ANKRD46: variants seen among roughly 807,000 people sequenced by gnomAD.
The protein encoded by ANKRD46 is ankyrin repeat domain-containing protein 46.
In ANKRD46, 13 loss-of-function variants were observed where a neutral mutation model predicts 19.8. That is an observed-to-expected ratio of 0.66 (90% CI 0.43 to 1.04). The LOEUF is 1.04. ANKRD46 is among the 50% of genes least tolerant of loss of function. The pLI, the probability that ANKRD46 is intolerant of heterozygous loss-of-function variation, is 0.00. For synonymous variants in ANKRD46, 91 were observed against 106.9 expected, an observed-to-expected ratio of 0.85 and a Z score of 0.92; for missense variants, 185 against 274.8, an observed-to-expected ratio of 0.67 and a Z score of 2.31.
At chr8:100,512,850 G>A (rs1428471581) in intron 5 of ANKRD46, among the ~76,000 whole-genome samples, 1 of 152,158 alleles carries the variant, frequency 6.6e-6, no homozygotes, top group African/African-American at 2.4e-5. Context: ...TTCATGATTG[G>A]TTAAAACGTA....
chr8:100,555,903 A>G (rs1169456763), intron 1 of ANKRD46, among the ~76,000 whole-genome samples: 1 of 152,184 alleles, frequency 6.6e-6, no homozygotes, highest in Non-Finnish European at 1.5e-5. Context: ...GCTATGGAAA[A>G]GGCACATTTA....
rs964836901 is a variant in ANKRD46 at position 100,524,414 on chromosome 8, A to T, written c.471-1643T>A. On this transcript the variant is annotated intron_variant, in intron 4 of 4. Transcript: ENST00000335659. The surrounding 1 kb of genome is among the most constrained non-coding windows in gnomAD (Gnocchi z 4.3). ...ATTTTACTTCTTGATACCATCAAAC[A>T]AAAGTCCTTCAGCCTTTACCAACAT... 1.3e-5 allele frequency among the ~76,000 whole-genome samples: 2 copies of T among 152,216 alleles called. No individual in the cohort carries two copies. Among genetic ancestry groups the T allele is most frequent in the Non-Finnish European group, 2.9e-5 (2 of 68,036 alleles).
At chr8:100,520,522 C>CT (rs1811703232), downstream of ANKRD46, among the ~76,000 whole-genome samples, 1 of 152,028 alleles carries the variant, frequency 6.6e-6, no homozygotes, top group South Asian at 2.1e-4. Context: ...AACTTGCATG[C>CT]TAAAAACTTG....
chr8:100,537,879 G>A lies in ANKRD46; in HGVS notation c.-130-4568C>T, dbSNP rs539065246. Among the ~76,000 whole-genome samples the A allele has an allele frequency of 2.0e-5, 3 of 152,290 alleles. No individual in the cohort carries two copies. The South Asian group carries it at 6.2e-4, about 32-fold the overall frequency. On this transcript the variant is annotated intron_variant, in intron 1 of 4. Transcript: ENST00000335659. The surrounding 1 kb of genome is among the most constrained non-coding windows in gnomAD (Gnocchi z 4.2). ...GTCTAGGGCCATACTGCTTTAAGTGGCAGGGTGGGGCTTCATATTTAGCTT... is the reference window on the plus strand; with the variant it reads ...GTCTAGGGCCATACTGCTTTAAGTGACAGGGTGGGGCTTCATATTTAGCTT...
rs551925718 is a variant in ANKRD46 at position 100,544,785 on chromosome 8, C to T, written c.-130-11474G>A. Among the ~76,000 whole-genome samples, 1 of 152,054 alleles carries T rather than the reference C, an allele frequency of 6.6e-6. No individual in the cohort carries two copies. Among genetic ancestry groups the T allele is most frequent in the Non-Finnish European group, 1.5e-5 (1 of 68,010 alleles). On this transcript the variant is annotated intron_variant, in intron 1 of 4. Coordinates refer to ENST00000335659, the MANE Select transcript of ANKRD46 (RefSeq NM_001270377.2). This position sits in a 1 kb window ranked among gnomAD's most constrained non-coding sequence, Gnocchi z 4.4. ...TAATGAAATATACAAATATAAGATG[C>T]TATATATTTTTTCTTAGTTTCTTAT... is the stretch of plus-strand genomic sequence containing the variant.
chr8:100,521,816 T>C lies in ANKRD46; in HGVS notation c.*739A>G. 1.0e-6 allele frequency: 1 copy of C among 985,384 alleles called. No individual in the cohort carries two copies. The highest frequency in any genetic ancestry group is 1.2e-6 in the Non-Finnish European group (1 of 829,856). The allele number at this position is 985,384 out of a possible 1,614,324, so 61.0% of individuals were successfully genotyped here. A position where few individuals can be genotyped will look rare whatever the true frequency, so the allele number is the denominator to read the frequency against. On this transcript the variant is annotated 3_prime_UTR_variant, in exon 5 of 5. Coordinates refer to ENST00000335659, the MANE Select transcript of ANKRD46 (RefSeq NM_001270377.2). Reference sequence around the variant, plus strand: ...CTGTAATTCTGATGAACTGTTATCTTTGATGACTAGGATACTCGGGAAAAT... The same window carrying C: ...CTGTAATTCTGATGAACTGTTATCTCTGATGACTAGGATACTCGGGAAAAT...
Position 100,522,291 on chromosome 8 carries a change from T to A in ANKRD46, c.*264A>T, listed in dbSNP as rs1811739475. ...CTTCCATTCTCTAGTCACTTCCGTG[T>A]TTTTATCAAACAAGGCTACGTGTAG... On this transcript the variant is annotated 3_prime_UTR_variant, in exon 5 of 5. Transcript: ENST00000335659. 1 of 1,263,050 alleles carries A rather than the reference T, an allele frequency of 7.9e-7. No homozygotes were observed. The allele number at this position is 1,263,050 out of a possible 1,614,324, so 78.2% of individuals were successfully genotyped here.
rs1812033863 is a variant in ANKRD46 at position 100,534,908 on chromosome 8, A to G, written c.-130-1597T>C. On this transcript the variant is annotated intron_variant, in intron 1 of 4. Coordinates refer to ENST00000335659, the MANE Select transcript of ANKRD46 (RefSeq NM_001270377.2). This position sits in a 1 kb window ranked among gnomAD's most constrained non-coding sequence, Gnocchi z 4.2. ...CAGCCTCCCCAGTAGCTGGGACTACAGCCATGTGCCACCATGCCTGGGTAA... is the reference window on the plus strand; with the variant it reads ...CAGCCTCCCCAGTAGCTGGGACTACGGCCATGTGCCACCATGCCTGGGTAA... Among the ~76,000 whole-genome samples the G allele has an allele frequency of 6.6e-6, 1 of 152,204 alleles. No homozygotes were observed. Among genetic ancestry groups the G allele is most frequent in the Non-Finnish European group, 1.5e-5 (1 of 68,030 alleles).
intron 1 of ANKRD46, chr8:100,556,719 G>A (rs1055328558): frequency 6.6e-6 from 1 of 152,102 alleles, no homozygotes; most frequent in Non-Finnish European, 1.5e-5. Flanking sequence ...AAATCCAATG[G>A]TCATCTCCTA....
At chr8:100,552,086 G>A (rs1369448620) in intron 1 of ANKRD46, among the ~76,000 whole-genome samples, 1 of 150,606 alleles carries the variant, frequency 6.6e-6, no homozygotes, top group African/African-American at 2.5e-5. Context: ...GGAGGTGGAG[G>A]TTGCAGTGAG....
At position 100,527,939 on chromosome 8, in the gene ANKRD46, G is replaced by A. The variant is rs1811874675; in HGVS notation, c.376C>T (p.Arg126Ter). Reference sequence around the variant, plus strand: ...TGTTCTTCCAAAGATTCCAGCAATCGGATGACATCTTTATTTACTCCTCTG... The same window carrying A: ...TGTTCTTCCAAAGATTCCAGCAATCAGATGACATCTTTATTTACTCCTCTG... ...KRRGVNKDVIRLLESLEEQEV... is the reference protein window; with the variant it reads ...KRRGVNKDVI The change falls in exon 4 of 5, where the codon CGA becomes TGA. Residue 126 changes from arginine to a stop codon, truncating the protein, a stop_gained. Transcript: ENST00000335659. LOFTEE classifies it high-confidence loss of function. This position sits in a 1 kb window ranked among gnomAD's most constrained non-coding sequence, Gnocchi z 4.0. The A allele has an allele frequency of 4.3e-6, 7 of 1,612,068 alleles. No individual in the cohort carries two copies. The highest frequency in any genetic ancestry group is 5.9e-6 in the Non-Finnish European group (7 of 1,179,712).
At chr8:100,517,739 T>C (rs1050425287), downstream of ANKRD46, among the ~76,000 whole-genome samples, 2 of 152,210 alleles carry the variant, frequency 1.3e-5, no homozygotes, top group African/African-American at 4.8e-5. Context: ...ATCCCAAAGT[T>C]CTATTTTAGC....
chr8:100,556,446 C>T (rs560232672), intron 1 of ANKRD46: 87 of 152,276 alleles, frequency 5.7e-4, no homozygotes, highest in African/African-American at 2.0e-3. Flanking sequence ...TTCCACCAGT[C>T]ATTGATTAAA....
chr8:100,542,209 A>G (rs1157469726), intron 1 of ANKRD46, among the ~76,000 whole-genome samples: 1 of 152,188 alleles, frequency 6.6e-6, no homozygotes, highest in Non-Finnish European at 1.5e-5. Flanking sequence ...TACCATTTGT[A>G]CATTTATGGC....
At position 100,534,517 on chromosome 8, in the gene ANKRD46, C is replaced by T. The variant is rs562083813; in HGVS notation, c.-130-1206G>A. Among the ~76,000 whole-genome samples, 5 of 152,298 alleles carry T rather than the reference C, an allele frequency of 3.3e-5. No homozygotes were observed. The highest frequency in any genetic ancestry group is 9.6e-5 in the African/African-American group (4 of 41,558). On this transcript the variant is annotated intron_variant, in intron 1 of 4. Transcript: ENST00000335659. This position sits in a 1 kb window ranked among gnomAD's most constrained non-coding sequence, Gnocchi z 4.2. ...TATTCACCCAAAGCCTAATATTTTT[C>T]CTCTCTTGTCCTGACCTCTAGAGCT...
At chr8:100,558,860 C>T (rs1301412564) in intron 1 of ANKRD46, among the ~76,000 whole-genome samples, 1 of 151,944 alleles carries the variant, frequency 6.6e-6, no homozygotes, top group East Asian at 1.9e-4. Flanking sequence ...ATTAAAGGTA[C>T]CAGGTATTTA....
downstream of ANKRD46, among the ~76,000 whole-genome samples, chr8:100,519,569 T>G (rs1162907760): frequency 6.6e-6 from 1 of 152,238 alleles, no homozygotes; most frequent in Non-Finnish European, 1.5e-5. Flanking sequence ...TTCCTGCAGC[T>G]GAAAGCACTT....
chr8:100,523,610 C>T (rs1811777562), intron 4 of ANKRD46, among the ~76,000 whole-genome samples: 1 of 152,090 alleles, frequency 6.6e-6, no homozygotes. Context: ...TACTCCTCAG[C>T]CTGTTGTACA....
rs6985244 is a variant in ANKRD46, at chr8:100,543,174, T to C, written c.-130-9863A>G. 0.015 allele frequency among the ~76,000 whole-genome samples: 2,310 copies of C among 152,328 alleles called. 58 individuals are homozygous for C. Among genetic ancestry groups the C allele is most frequent in the African/African-American group, 0.053 (2,201 of 41,566 alleles). ...ACTATGGATCTTAAGTTTTAATAGCTACATAGCTCTTCCAGATTTGCTGCT... is the reference window on the plus strand; with the variant it reads ...ACTATGGATCTTAAGTTTTAATAGCCACATAGCTCTTCCAGATTTGCTGCT... On this transcript the variant is annotated intron_variant, in intron 1 of 4. Transcript: ENST00000335659. The surrounding 1 kb of genome is among the most constrained non-coding windows in gnomAD (Gnocchi z 4.2).
Sources: gnomAD v4.1 joint callset for allele counts (sites outside exome capture counted in the v4.1 genomes callset) on GRCh38, gnomAD v4.1.1 for gene constraint, Gnocchi (gnomAD v3.1) non-coding constraint, MANE v1.5 for transcripts, NCBI Gene and HGNC (gene_info 2026-07-23, HGNC 2026-07-21) for gene names.